Variants in DEPDC1B observed in about 807,000 individuals in gnomAD.
DEPDC1B encodes DEP domain containing 1B, also known as DEP domain-containing protein 1B.
In DEPDC1B, 51 loss-of-function variants were observed where a neutral mutation model predicts 66.5. The ratio of observed to expected loss-of-function variants is 0.77; its 90% confidence interval spans 0.61 to 0.97. The LOEUF (loss-of-function observed/expected upper bound fraction) is 0.97, where lower values mean the gene tolerates loss of function less well. Among genes scored for constraint, DEPDC1B ranks in the 50% least tolerant of loss-of-function variants. The pLI is 0.00. For synonymous variants in DEPDC1B, 226 were observed against 223.6 expected (o/e 1.01, Z -0.10); for missense variants, 552 against 637.1 (o/e 0.87, Z 1.44).
chr5:60,617,874 C>A (rs919723483), intron 7 of DEPDC1B, among the ~76,000 whole-genome samples: 9 of 152,302 alleles, frequency 5.9e-5, no homozygotes, highest in Non-Finnish European at 1.2e-4. Flanking sequence ...CCAAAACTGA[C>A]CACATAGTTG....
Position 60,608,507 on chromosome 5 carries a change from A to G in DEPDC1B, c.899-2651T>C, listed in dbSNP as rs1325209100. ...TTAGCCAGTATTATATGGCTACTAA[A>G]TGATAATTTTTGAAGTTATGCAACA... On this transcript the variant is annotated intron_variant, in intron 7 of 10. Coordinates refer to ENST00000265036, the MANE Select transcript of DEPDC1B (RefSeq NM_018369.3). 2.0e-5 allele frequency among the ~76,000 whole-genome samples: 3 copies of G among 149,324 alleles called. No individual in the cohort carries two copies. The East Asian group carries it at 5.8e-4, about 29-fold the overall frequency.
chr5:60,676,502 A>T (rs1754163767), intron 2 of DEPDC1B, among the ~76,000 whole-genome samples: 1 of 151,854 alleles, frequency 6.6e-6, no homozygotes, highest in South Asian at 2.1e-4. Context: ...ATAAAACCCT[A>T]CTCCATAGTC....
At chr5:60,675,834 C>G (rs1332730939) in intron 2 of DEPDC1B, among the ~76,000 whole-genome samples, 2 of 152,104 alleles carry the variant, frequency 1.3e-5, no homozygotes, top group East Asian at 3.9e-4. Context: ...TCAATTAACT[C>G]TGTTCTAGAA....
intron 2 of DEPDC1B, among the ~76,000 whole-genome samples, chr5:60,686,354 A>C (rs1754412747): frequency 6.6e-6 from 1 of 152,208 alleles, no homozygotes; most frequent in Non-Finnish European, 1.5e-5. Flanking sequence ...ACCTCCAGCA[A>C]TAAAACTGCC....
chr5:60,598,549 C>T (rs927331132), intron 10 of DEPDC1B, among the ~76,000 whole-genome samples: 3 of 152,112 alleles, frequency 2.0e-5, no homozygotes, highest in Admixed American at 2.0e-4. Context: ...TCAAAAGTAA[C>T]ATATTGTGAG....
At chr5:60,615,781 C>G (rs1286916855) in intron 7 of DEPDC1B, among the ~76,000 whole-genome samples, 1 of 152,170 alleles carries the variant, frequency 6.6e-6, no homozygotes, top group Non-Finnish European at 1.5e-5. Flanking sequence ...GTCTGACAGC[C>G]TTGAAGAGAG....
At chr5:60,615,616 C>T (rs775130738) in intron 7 of DEPDC1B, among the ~76,000 whole-genome samples, 21 of 152,312 alleles carry the variant, frequency 1.4e-4, no homozygotes, top group Admixed American at 3.3e-4. Context: ...CCCACCATTG[C>T]CCAGGCTTGA....
chr5:60,625,983 T>C (rs900953250), intron 7 of DEPDC1B, among the ~76,000 whole-genome samples: 2 of 152,184 alleles, frequency 1.3e-5, no homozygotes, highest in Non-Finnish European at 2.9e-5. Context: ...ATTTAGTTAT[T>C]TTTTCTTGCT....
At position 60,700,028 on chromosome 5, in the gene DEPDC1B, C is replaced by A; in HGVS notation, c.48+18G>T. 6.4e-7 allele frequency: 1 copy of A among 1,551,564 alleles called. No homozygotes were observed. The highest frequency in any genetic ancestry group is 8.7e-7 in the Non-Finnish European group (1 of 1,148,896). ...GCGGCACCGGGTGCTCCGCCCAGGC[C>A]CCAGCACACTCACTCACCAGCCTGG... On this transcript the variant is annotated intron_variant, in intron 1 of 10. Coordinates refer to ENST00000265036, the MANE Select transcript of DEPDC1B (RefSeq NM_018369.3).
At chr5:60,686,401 C>G (rs1561392962) in intron 2 of DEPDC1B, among the ~76,000 whole-genome samples, 1 of 152,176 alleles carries the variant, frequency 6.6e-6, no homozygotes, top group Non-Finnish European at 1.5e-5. Flanking sequence ...AGACAAGCAG[C>G]CTTTATTTTC....
At chr5:60,613,849 A>G (rs1752477240) in intron 7 of DEPDC1B, among the ~76,000 whole-genome samples, 1 of 148,404 alleles carries the variant, frequency 6.7e-6, no homozygotes. Flanking sequence ...AAACAGATGT[A>G]GGGTCATTGT....
chr5:60,614,270 T>C (rs1752486601), intron 7 of DEPDC1B, among the ~76,000 whole-genome samples: 1 of 152,266 alleles, frequency 6.6e-6, no homozygotes, highest in African/African-American at 2.4e-5. Context: ...ACCCAACTTT[T>C]AAAAATCACT....
At chr5:60,686,026 T>C (rs1028703335) in intron 2 of DEPDC1B, among the ~76,000 whole-genome samples, 5 of 152,204 alleles carry the variant, frequency 3.3e-5, no homozygotes, top group African/African-American at 1.2e-4. Flanking sequence ...CTTCACCCTA[T>C]GCACTCACGA....
chr5:60,621,297 TAAAA>T (rs1752695923), intron 7 of DEPDC1B, among the ~76,000 whole-genome samples: 1 of 149,826 alleles, frequency 6.7e-6, no homozygotes, highest in Non-Finnish European at 1.5e-5. Context: ...AATAAAATTT[TAAAA>T]ATAAAAATAA....
chr5:60,649,587 A>C (rs1753395786), intron 2 of DEPDC1B, among the ~76,000 whole-genome samples: 1 of 152,212 alleles, frequency 6.6e-6, no homozygotes, highest in African/African-American at 2.4e-5. Context: ...CCTGTTAAAG[A>C]TGATCCAGTT....
intron 2 of DEPDC1B, among the ~76,000 whole-genome samples, chr5:60,683,992 C>T (rs189360388): frequency 1.4e-4 from 21 of 151,810 alleles, no homozygotes; most frequent in Admixed American, 1.3e-3. Flanking sequence ...AAAAAGCAAT[C>T]CCATTTATAC....
At chr5:60,618,681 G>A (rs1355531437) in intron 7 of DEPDC1B, among the ~76,000 whole-genome samples, 4 of 152,142 alleles carry the variant, frequency 2.6e-5, no homozygotes, top group South Asian at 2.1e-4. Flanking sequence ...AGGACCAGAC[G>A]GATTCACAGC....
At chr5:60,660,566 A>C (rs548226056) in intron 2 of DEPDC1B, among the ~76,000 whole-genome samples, 183 of 152,318 alleles carry the variant, frequency 1.2e-3, no homozygotes, top group African/African-American at 4.2e-3. Context: ...GATGGCCCAA[A>C]TGCATTCAAT....
chr5:60,660,671 C>T (rs1753693659), intron 2 of DEPDC1B, among the ~76,000 whole-genome samples: 1 of 152,122 alleles, frequency 6.6e-6, no homozygotes, highest in South Asian at 2.1e-4. Flanking sequence ...TCAGAACTAT[C>T]CTAAGTCAAA....
Sources: gnomAD v4.1 joint callset for allele counts (sites outside exome capture counted in the v4.1 genomes callset) on GRCh38, gnomAD v4.1.1 for gene constraint, MANE v1.5 for transcripts, NCBI Gene and HGNC (gene_info 2026-07-23, HGNC 2026-07-21) for gene names.